Variants in OR2L13 observed in about 807,000 individuals in gnomAD.
OR2L13 encodes olfactory receptor 2L13.
Under a neutral mutation model 15.3 loss-of-function variants are expected in OR2L13, and 14 were observed. That is an observed-to-expected ratio of 0.91 (90% CI 0.60 to 1.43). The LOEUF is 1.43. Ranked by LOEUF, OR2L13 falls within the 40% of genes most tolerant of loss-of-function variation. OR2L13 has a pLI of 0.00. For missense variants in OR2L13, 367 were observed against 387.9 expected (o/e 0.95, Z 0.45); for synonymous variants, 152 against 142.9 (o/e 1.06, Z -0.45).
chr1:248,068,220 C>A, the OR2L13 span, among the ~76,000 whole-genome samples: 55 of 152,160 alleles, frequency 3.6e-4, 1 homozygote, highest in Non-Finnish European at 1.5e-5. Context: ...CCCCTGACCC[C>A]TGAGCAGCCT....
the OR2L13 span, among the ~76,000 whole-genome samples, chr1:248,025,169 A>G: frequency 4.7e-5 from 7 of 147,774 alleles, no homozygotes; most frequent in Non-Finnish European, 8.9e-5. Context: ...GCAACCTACA[A>G]AATGGGAGAA....
chr1:248,033,093 A>G, the OR2L13 span, among the ~76,000 whole-genome samples: 4 of 152,210 alleles, frequency 2.6e-5, no homozygotes, highest in Non-Finnish European at 5.9e-5. Flanking sequence ...TTTACTTATA[A>G]TATTTTCATA....
the OR2L13 span, among the ~76,000 whole-genome samples, chr1:248,087,717 C>G: frequency 2.0e-5 from 3 of 152,130 alleles, no homozygotes; most frequent in Admixed American, 2.0e-4. Context: ...CAAGGGAATA[C>G]AGATTAAAGT....
At chr1:248,000,851 A>C in the OR2L13 span, among the ~76,000 whole-genome samples, 391 of 152,170 alleles carry the variant, frequency 2.6e-3, 2 homozygotes, top group African/African-American at 8.5e-3. Context: ...TTAATTATTA[A>C]AATAATTCTA....
the OR2L13 span, chr1:247,949,405 T>C: frequency 1.2e-6 from 2 of 1,614,192 alleles, no homozygotes; most frequent in South Asian, 2.2e-5. Flanking sequence ...GTCCCAGCAA[T>C]GGTGACTCTG....
exon 3 of OR2L13, chr1:248,099,959 A>G: frequency 6.2e-7 from 1 of 1,613,914 alleles, no homozygotes; most frequent in Non-Finnish European, 8.5e-7. Context: ...TGGGTCTATG[A>G]ATATATGGTT....
the OR2L13 span, among the ~76,000 whole-genome samples, chr1:248,076,962 G>A: frequency 6.6e-6 from 1 of 152,170 alleles, no homozygotes; most frequent in South Asian, 2.1e-4. Flanking sequence ...CATTCAATAT[G>A]ATATTGGCTG....
the OR2L13 span, among the ~76,000 whole-genome samples, chr1:248,056,632 G>A: frequency 6.7e-6 from 1 of 148,760 alleles, no homozygotes; most frequent in African/African-American, 2.5e-5. Flanking sequence ...TTCAGGAGCA[G>A]GTTGTTCTAT....
downstream of OR2L13, chr1:248,101,115 C>A (rs1283088438): frequency 5.9e-5 from 9 of 152,160 alleles, no homozygotes; most frequent in Non-Finnish European, 1.5e-5. Context: ...AAAGAACCCA[C>A]ATTTATGTAT....
At chr1:247,954,186 T>C in the OR2L13 span, among the ~76,000 whole-genome samples, 1 of 152,148 alleles carries the variant, frequency 6.6e-6, no homozygotes, top group African/African-American at 2.4e-5. Context: ...TCCACAGAAG[T>C]AATAAGTAGC....
At chr1:247,992,096 C>T in the OR2L13 span, among the ~76,000 whole-genome samples, 1 of 149,120 alleles carries the variant, frequency 6.7e-6, no homozygotes, top group African/African-American at 2.5e-5. Context: ...CAAGACCAAC[C>T]TCTCCTCCTC....
chr1:247,945,219 T>G, the OR2L13 span, among the ~76,000 whole-genome samples: 1 of 152,196 alleles, frequency 6.6e-6, no homozygotes, highest in Non-Finnish European at 1.5e-5. Context: ...TTTGTTTTCA[T>G]TGATTTCAAA....
At chr1:247,975,238 TTG>T in the OR2L13 span, 2 of 412,512 alleles carry the variant, frequency 4.8e-6, no homozygotes, top group South Asian at 4.1e-5. Context: ...CATATCCCTG[TTG>T]CTCAGCCAGG....
the OR2L13 span, chr1:248,021,877 CA>C: frequency 8.0e-7 from 1 of 1,251,964 alleles, no homozygotes; most frequent in Non-Finnish European, 1.1e-6. Context: ...GCAACCCCTG[CA>C]GATAATGGGG....
At chr1:247,966,091 T>G in the OR2L13 span, 3 of 1,614,052 alleles carry the variant, frequency 1.9e-6, no homozygotes, top group Non-Finnish European at 2.5e-6. Context: ...AAAAGCTGTT[T>G]CCACTTGTTC....
Position 248,099,634 on chromosome 1 carries a change from G to T in OR2L13, c.259G>T (p.Gly87Cys), listed in dbSNP as rs377126567. The T allele has an allele frequency of 4.9e-5, 79 of 1,613,852 alleles. No individual in the cohort carries two copies. The highest frequency in any genetic ancestry group is 6.5e-5 in the Non-Finnish European group (77 of 1,179,982). The change falls in exon 3 of 3, where the codon GGC becomes TGC. Residue 87 changes from glycine (G) to cysteine (C), a missense_variant. Transcript: ENST00000641714. ...CAAGATGGCGTACAACTTCCTGTCC[G>T]GCCAGAAAGGCATCTCCTTCCTGGG...
At chr1:248,023,083 C>G in the OR2L13 span, 1 of 494,566 alleles carries the variant, frequency 2.0e-6, no homozygotes, top group Non-Finnish European at 3.5e-6. Context: ...TTCTTTTTAT[C>G]AAAAGACAGA....
chr1:247,949,919 A>G, the OR2L13 span: 7 of 651,132 alleles, frequency 1.1e-5, no homozygotes, highest in Non-Finnish European at 1.7e-5. Context: ...GAAGAAAATC[A>G]CTGATATATG....
chr1:248,064,306 A>G, the OR2L13 span, among the ~76,000 whole-genome samples: 1 of 152,118 alleles, frequency 6.6e-6, no homozygotes, highest in Non-Finnish European at 1.5e-5. Flanking sequence ...CCCTTCTACC[A>G]TGTGAGGTTA....
Sources: allele counts gnomAD v4.1 joint callset (sites outside exome capture counted in the v4.1 genomes callset), GRCh38; gene constraint gnomAD v4.1.1; transcripts MANE v1.5; gene names NCBI Gene and HGNC (gene_info 2026-07-23, HGNC 2026-07-21).